CCDC18: variants seen among roughly 807,000 people sequenced by gnomAD.
CCDC18 encodes coiled-coil domain-containing protein 18.
CCDC18 carries 157 observed loss-of-function variants against 196.0 expected under a neutral mutation model. The ratio of observed to expected loss-of-function variants is 0.80; its 90% confidence interval spans 0.70 to 0.91. The LOEUF (loss-of-function observed/expected upper bound fraction) is 0.91, where lower values mean the gene tolerates loss of function less well. Among genes scored for constraint, CCDC18 ranks in the 40% least tolerant of loss-of-function variants. The pLI is 0.00. For synonymous variants in CCDC18, 482 were observed against 529.2 expected, an observed-to-expected ratio of 0.91 and a Z score of 1.22; for missense variants, 1,465 against 1,611.6, an observed-to-expected ratio of 0.91 and a Z score of 1.56.
At chr1:93,276,626 G>A (rs1275985826) in intron 28 of CCDC18, among the ~76,000 whole-genome samples, 1 of 152,094 alleles carries the variant, frequency 6.6e-6, no homozygotes, top group Non-Finnish European at 1.5e-5. Context: ...AGGAGTACAG[G>A]TAATACCTAG....
intron 16 of CCDC18, among the ~76,000 whole-genome samples, chr1:93,226,108 G>A (rs1379619019): frequency 6.6e-6 from 1 of 151,900 alleles, no homozygotes; most frequent in Non-Finnish European, 1.5e-5. Flanking sequence ...TCCAACTCTT[G>A]TTTATTCTTC....
chr1:93,278,257 G>C (rs1318897968), intron 28 of CCDC18, among the ~76,000 whole-genome samples: 1 of 152,028 alleles, frequency 6.6e-6, no homozygotes, highest in East Asian at 1.9e-4. Flanking sequence ...CAAAATGCTG[G>C]GATTACAGGC....
At chr1:93,270,922 A>G in intron 28 of CCDC18, 108 bp downstream of exon 28, 2 of 1,396,310 alleles carry the variant, frequency 1.4e-6, no homozygotes, top group East Asian at 5.1e-5. Flanking sequence ...TAATATTTGA[A>G]GAAGGAAGAT....
intron 7 of CCDC18, 29 bp downstream of exon 7, chr1:93,202,017 T>G (rs1320902927): frequency 7.8e-7 from 1 of 1,289,410 alleles, no homozygotes. Flanking sequence ...AATTCAGTGT[T>G]TTGTATTACT....
chr1:93,241,073 A>G (rs774599295), intron 21 of CCDC18, among the ~76,000 whole-genome samples: 1 of 152,028 alleles, frequency 6.6e-6, no homozygotes, highest in Non-Finnish European at 1.5e-5. Flanking sequence ...CTCCTGCCTC[A>G]GCCACCAAGT....
intron 21 of CCDC18, among the ~76,000 whole-genome samples, chr1:93,242,184 G>A (rs1660888259): frequency 1.3e-5 from 2 of 152,164 alleles, no homozygotes; most frequent in South Asian, 4.1e-4. Flanking sequence ...TAGTGTCTTA[G>A]TCCGTTTTCA....
rs368786713 is a variant in CCDC18 at position 93,243,410 on chromosome 1, G to A, written c.2982-2695G>A. ...ACCAAGTCCCTAGGCTGCACACAGC[G>A]TGGTGACCCTGGATCCCACCCATGA... On this transcript the variant is annotated intron_variant, in intron 21 of 28. Coordinates refer to ENST00000690025, the MANE Select transcript of CCDC18 (RefSeq NM_001378204.1). Among the ~76,000 whole-genome samples the A allele has an allele frequency of 2.1e-4, 32 of 152,298 alleles. No individual in the cohort carries two copies. In the South Asian group the frequency reaches 3.3e-3, roughly 16 times the overall value.
intron 24 of CCDC18, among the ~76,000 whole-genome samples, chr1:93,255,086 G>A (rs570808537): frequency 6.6e-6 from 1 of 151,182 alleles, no homozygotes; most frequent in Non-Finnish European, 1.5e-5. Context: ...CCAAGTAGCT[G>A]GGATTACAGG....
At chr1:93,198,520 T>C (rs1343934755) in intron 6 of CCDC18, among the ~76,000 whole-genome samples, 1 of 152,178 alleles carries the variant, frequency 6.6e-6, no homozygotes, top group Non-Finnish European at 1.5e-5. Flanking sequence ...TTTGATTGGG[T>C]TAGTAGTTAA....
intron 18 of CCDC18, among the ~76,000 whole-genome samples, chr1:93,235,065 T>A (rs1659884350): frequency 6.8e-6 from 1 of 147,536 alleles, no homozygotes; most frequent in Non-Finnish European, 1.5e-5. Context: ...GCTTAAGAAA[T>A]CCACCCTCCT....
At chr1:93,194,292 T>A (rs1409061242) in intron 6 of CCDC18, among the ~76,000 whole-genome samples, 1 of 152,160 alleles carries the variant, frequency 6.6e-6, no homozygotes, top group African/African-American at 2.4e-5. Context: ...TAACTCTGAA[T>A]GCCAGTTCAC....
At chr1:93,227,694 C>CT (rs1466704200) in intron 17 of CCDC18, among the ~76,000 whole-genome samples, 1 of 151,916 alleles carries the variant, frequency 6.6e-6, no homozygotes, top group African/African-American at 2.4e-5. Context: ...TTGCTCACGC[C>CT]TATAAGCCCA....
intron 6 of CCDC18, among the ~76,000 whole-genome samples, chr1:93,195,569 G>A (rs1376136421): frequency 6.6e-6 from 1 of 152,162 alleles, no homozygotes; most frequent in Non-Finnish European, 1.5e-5. Flanking sequence ...GGGAGGTGGG[G>A]CATTTTAGAG....
intron 18 of CCDC18, among the ~76,000 whole-genome samples, chr1:93,232,923 A>T (rs371240636): frequency 1.3e-5 from 2 of 152,198 alleles, no homozygotes; most frequent in South Asian, 4.1e-4. Context: ...GTGAGCTGCA[A>T]TCGTGCCCTT....
At chr1:93,195,743 G>C (rs915761681) in intron 6 of CCDC18, among the ~76,000 whole-genome samples, 1 of 152,188 alleles carries the variant, frequency 6.6e-6, no homozygotes, top group Non-Finnish European at 1.5e-5. Flanking sequence ...GAAGCAGAGA[G>C]ATTAGGCCCT....
At position 93,214,930 on chromosome 1, in the gene CCDC18, A is replaced by G. The variant is rs1221117396; in HGVS notation, c.1683A>G (p.Leu561=). The change falls in exon 12 of 29, where the codon CTA becomes CTG. Residue 561 remains leucine, a synonymous_variant. Coordinates refer to ENST00000690025, the MANE Select transcript of CCDC18 (RefSeq NM_001378204.1). ...SQFQLIQEEL[L]EKASNSSKLE... ...TTCAGCTGATTCAAGAGGAGCTGCT[A>G]GAGAAAGCTTCAAACTCCAGCAAAC... 1 of 1,608,440 alleles carries G rather than the reference A, an allele frequency of 6.2e-7. No homozygotes were observed. Among genetic ancestry groups the G allele is most frequent in the East Asian group, 2.2e-5 (1 of 44,790 alleles).
Position 93,232,406 on chromosome 1 carries a change from T to TA in CCDC18, c.2293-19dup, listed in dbSNP as rs756756663. On this transcript the variant is annotated intron_variant, in intron 17 of 28. Transcript: ENST00000690025. ...TGAAACATTGCATTGTATTGAGAGATATATATATATATTTGCCAGGTATAT... is the reference window on the plus strand; with the variant it reads ...TGAAACATTGCATTGTATTGAGAGATAATATATATATATTTGCCAGGTATAT... The TA allele has an allele frequency of 4.7e-5, 50 of 1,066,212 alleles. No individual in the cohort carries two copies. The highest frequency in any genetic ancestry group is 6.6e-5 in the Non-Finnish European group (50 of 752,600). 66.0% of individuals were successfully genotyped at this position (1,066,212 alleles called of 1,614,324 possible).
At position 93,256,664 on chromosome 1, in the gene CCDC18, C is replaced by G; in HGVS notation, c.3546+126C>G. ...GCACAACAGTGTGAATGTACTTAAT[C>G]CCACCGAATTATACACTTAAAAATG... On this transcript the variant is annotated intron_variant, in intron 25 of 28. Coordinates refer to ENST00000690025, the MANE Select transcript of CCDC18 (RefSeq NM_001378204.1). 7.9e-6 allele frequency: 6 copies of G among 757,636 alleles called. No homozygotes were observed. In the Admixed American group the frequency reaches 1.4e-4, roughly 17 times the overall value. The allele number at this position is 757,636 out of a possible 1,614,324, so 46.9% of individuals were successfully genotyped here.
intron 4 of CCDC18, among the ~76,000 whole-genome samples, chr1:93,190,412 C>T (rs2101613242): frequency 6.6e-6 from 1 of 152,260 alleles, no homozygotes; most frequent in East Asian, 1.9e-4. Context: ...TGCTTGAACC[C>T]AGAGGCGGAG....
Sources: gnomAD v4.1 joint callset for allele counts (sites outside exome capture counted in the v4.1 genomes callset) on GRCh38, gnomAD v4.1.1 for gene constraint, MANE v1.5 for transcripts, NCBI Gene and HGNC (gene_info 2026-07-23, HGNC 2026-07-21) for gene names.